PELP1: variants seen among roughly 807,000 people sequenced by gnomAD.
PELP1 encodes the protein proline-, glutamic acid- and leucine-rich protein 1.
A neutral mutation model predicts 95.5 loss-of-function variants in PELP1; 32 were observed. The observed-to-expected ratio is 0.34, with a 90% CI of 0.25 to 0.45. The LOEUF is 0.45. Ranked by LOEUF, PELP1 falls within the 20% of genes least tolerant of loss-of-function variation. PELP1 has a pLI of 1.00. For synonymous variants in PELP1, 668 were observed against 600.1 expected (o/e 1.11, Z -1.65); for missense variants, 1,358 against 1,444.8 (o/e 0.94, Z 0.97).
In PELP1 at chr17:4,675,247, C is replaced by T. The variant is rs757964201; in HGVS notation, c.1157+27G>A. 2 of 1,593,086 alleles carry T rather than the reference C, an allele frequency of 1.3e-6. No individual in the cohort carries two copies. Among genetic ancestry groups the T allele is most frequent in the East Asian group, 4.6e-5 (2 of 43,792 alleles). On this transcript the variant is annotated intron_variant, in intron 10 of 16. Coordinates refer to ENST00000572293, the MANE Select transcript of PELP1 (RefSeq NM_014389.3). The surrounding 1 kb of genome is among the most constrained non-coding windows in gnomAD (Gnocchi z 4.3). ...TCGTTTCTGGCACGCCCTATCCCTTCACCACAGCCAGCCCAATCCCACTCA... is the reference window on the plus strand; with the variant it reads ...TCGTTTCTGGCACGCCCTATCCCTTTACCACAGCCAGCCCAATCCCACTCA...
In PELP1 at chr17:4,671,818, G is replaced by C. The variant is rs557073551; in HGVS notation, c.3173C>G (p.Pro1058Arg). 3.3e-6 allele frequency: 5 copies of C among 1,513,094 alleles called. No individual in the cohort carries two copies. The East Asian group carries it at 6.9e-5, about 21-fold the overall frequency. The allele number at this position is 1,513,094 out of a possible 1,614,324, so 93.7% of individuals were successfully genotyped here. ...PPPQELVEEE[P>R]SAPPTLLEEE... ...TTCCAACAGGGTTGGGGGAGCAGAG[G>C]GCTCTTCTTCAACAAGCTCCTGGGG... The change falls in exon 16 of 17, where the codon CCC becomes CGC. Residue 1058 changes from proline (P) to arginine (R), a missense_variant. Physicochemically the swap from Pro to Arg is moderately radical, Grantham distance 103 (BLOSUM62 -2). Coordinates refer to ENST00000572293, the MANE Select transcript of PELP1 (RefSeq NM_014389.3).
At chr17:4,676,217 C>A in intron 7 of PELP1, 55 bp from the exon 8 acceptor site, 1 of 1,601,344 alleles carries the variant, frequency 6.2e-7, no homozygotes, top group South Asian at 1.1e-5. Context: ...CCTCCTCTGT[C>A]ATTTCTGGTG....
chr17:4,673,224 A>G lies in PELP1; in HGVS notation c.1845+26T>C. 6.5e-7 allele frequency: 1 copy of G among 1,549,096 alleles called. No individual in the cohort carries two copies. ...GGAAACAAGAGACTCCAGGAACCAA[A>G]GAGGGGCTTGGCCCATCACAGTTAC... is the stretch of plus-strand genomic sequence containing the variant. On this transcript the variant is annotated intron_variant, in intron 15 of 16. Transcript: ENST00000572293. The surrounding 1 kb of genome is among the most constrained non-coding windows in gnomAD (Gnocchi z 5.7).
chr17:4,701,942 C>T (rs909785306), intron 1 of PELP1, among the ~76,000 whole-genome samples: 1 of 152,130 alleles, frequency 6.6e-6, no homozygotes, highest in African/African-American at 2.4e-5. Context: ...CCCTAGTTTC[C>T]CACATCACTC....
Position 4,672,294 on chromosome 17 carries a change from T to C in PELP1, c.2697A>G (p.Glu899=), listed in dbSNP as rs200508582. Residue 899 remains glutamate, a synonymous_variant, in exon 16 of 17, where the codon GAA becomes GAG. Coordinates refer to ENST00000572293, the MANE Select transcript of PELP1 (RefSeq NM_014389.3). ...CCTCCTCTTCCTCTTCTTCCTCTTC[T>C]TCTTCTTCCTCTTCTTCCTCTTCCT... ...EEEEEEEEEE[E]EEEEEEEEED... is the part of the protein sequence containing the mutation. 4.1e-5 allele frequency: 63 copies of C among 1,551,134 alleles called. No individual in the cohort carries two copies. The Middle Eastern group carries it at 5.0e-4, about 12-fold the overall frequency.
Position 4,691,445 on chromosome 17 carries a change from G to A in PELP1, c.250-3C>T, listed in dbSNP as rs769288410. 15 of 1,611,258 alleles carry A rather than the reference G, an allele frequency of 9.3e-6. No homozygotes were observed. The highest frequency in any genetic ancestry group is 1.3e-5 in the African/African-American group (1 of 74,872). Reference sequence around the variant, plus strand: ...AATGCCCCAAGAGCTGAAAGGTTCTGGAGGAAAGAAAACAGGGAAGCGAGT... The same window carrying A: ...AATGCCCCAAGAGCTGAAAGGTTCTAGAGGAAAGAAAACAGGGAAGCGAGT... On this transcript the variant is annotated splice_region_variant and splice_polypyrimidine_tract_variant and intron_variant, in intron 1 of 16. Transcript: ENST00000572293.
intron 1 of PELP1, among the ~76,000 whole-genome samples, chr17:4,700,991 C>CT (rs1555555233): frequency 1.4e-3 from 30 of 21,592 alleles, no homozygotes; most frequent in Non-Finnish European, 2.2e-3. Context: ...CAAAGTTCCA[C>CT]TAAAAAAAAA....
Position 4,673,890 on chromosome 17 carries a change from A to C in PELP1, c.1583-216T>G. On this transcript the variant is annotated intron_variant, in intron 13 of 16. Coordinates refer to ENST00000572293, the MANE Select transcript of PELP1 (RefSeq NM_014389.3). The surrounding 1 kb of genome is among the most constrained non-coding windows in gnomAD (Gnocchi z 5.7). ...TGAGACAATGTAAGTAAAAAATTATAAATTTTATAATTTTGCATTTATATA... is the reference window on the plus strand; with the variant it reads ...TGAGACAATGTAAGTAAAAAATTATCAATTTTATAATTTTGCATTTATATA... The C allele has an allele frequency of 7.2e-6, 4 of 552,136 alleles. No homozygotes were observed. The highest frequency in any genetic ancestry group is 5.1e-5 in the South Asian group (2 of 39,002). The allele number at this position is 552,136 out of a possible 1,614,324, so 34.2% of individuals were successfully genotyped here.
chr17:4,672,818 G>A lies in PELP1; in HGVS notation c.2173C>T (p.Pro725Ser). The A allele has an allele frequency of 6.2e-7, 1 of 1,613,916 alleles. No homozygotes were observed. The highest frequency in any genetic ancestry group is 2.2e-5 in the East Asian group (1 of 44,876). ...GLVSVPPRLL[P>S]GPENHRAGSN... Reference sequence around the variant, plus strand: ...CCTGCCCGGTGGTTCTCAGGGCCAGGAAGAAGCCGGGGAGGGACAGACACT... The same window carrying A: ...CCTGCCCGGTGGTTCTCAGGGCCAGAAAGAAGCCGGGGAGGGACAGACACT... Residue 725 changes from proline (P) to serine (S), a missense_variant, in exon 16 of 17, where the codon CCT (proline) becomes TCT (serine). Transcript: ENST00000572293.
intron 6 of PELP1, 97 bp downstream of exon 6, chr17:4,676,656 G>A: frequency 1.5e-6 from 2 of 1,342,774 alleles, no homozygotes; most frequent in South Asian, 1.3e-5. Flanking sequence ...GACACAGATG[G>A]GCATATGAAG....
chr17:4,686,644 A>G (rs751770681), intron 3 of PELP1, among the ~76,000 whole-genome samples: 43 of 152,062 alleles, frequency 2.8e-4, no homozygotes, highest in Admixed American at 5.9e-4. Context: ...CAGCCTCCCA[A>G]GTAGCTGGGA....
Position 4,673,618 on chromosome 17 carries a change from C to G in PELP1, c.1638+1G>C. On this transcript the variant is annotated splice_donor_variant, in intron 14 of 16. Transcript: ENST00000572293. LOFTEE classifies it high-confidence loss of function. The surrounding 1 kb of genome is among the most constrained non-coding windows in gnomAD (Gnocchi z 5.7). The stretch of plus-strand genomic sequence containing the variant: ...CTCCACGGAGACGAGGCTCCACTAA[C>G]CCTGTGAGTCTCCTCCTTGATGAGA... The G allele has an allele frequency of 6.2e-7, 1 of 1,613,518 alleles. No homozygotes were observed. Among genetic ancestry groups the G allele is most frequent in the Non-Finnish European group, 8.5e-7 (1 of 1,179,432 alleles).
chr17:4,682,759 G>A (rs753692050), intron 4 of PELP1, 44 bp downstream of exon 4: 2 of 1,529,508 alleles, frequency 1.3e-6, no homozygotes, highest in South Asian at 1.3e-5. Flanking sequence ...GTGAAGGTGA[G>A]GACTGCGGGG....
Position 4,704,132 on chromosome 17 carries a change from TG to T in PELP1, c.-22del. On this transcript the variant is annotated 5_prime_UTR_variant, in exon 1 of 17. Coordinates refer to ENST00000572293, the MANE Select transcript of PELP1 (RefSeq NM_014389.3). ...GCCATCTTCCCCCGGGTTCCAGTGG[TG>T]GCGTGGCGCGATGACGCAAACACAC... The T allele has an allele frequency of 6.3e-7, 1 of 1,597,956 alleles. No individual in the cohort carries two copies. Among genetic ancestry groups the T allele is most frequent in the African/African-American group, 1.3e-5 (1 of 74,808 alleles).
intron 1 of PELP1, among the ~76,000 whole-genome samples, chr17:4,702,559 TCTGATATTGGG>T (rs1190764017): frequency 6.6e-6 from 1 of 152,220 alleles, no homozygotes; most frequent in Non-Finnish European, 1.5e-5. Context: ...AGCTCCAGCC[TCTGATATTGGG>T]CTGAGATAGC....
rs764224577 is a variant in PELP1, at chr17:4,691,414, C to T, written c.278G>A (p.Ser93Asn). 7 of 1,613,634 alleles carry T rather than the reference C, an allele frequency of 4.3e-6. No individual in the cohort carries two copies. Among genetic ancestry groups the T allele is most frequent in the Non-Finnish European group, 5.9e-6 (7 of 1,179,710 alleles). ...QNLSALGALV[S>N]LSNARLSSIK... is the part of the protein sequence containing the mutation. ...GGAACTGAGACGTGCATTACTGAGA[C>T]TCACCAATGCCCCAAGAGCTGAAAG... The change falls in exon 2 of 17, where the codon AGT becomes AAT. Residue 93 changes from serine (S) to asparagine (N), a missense_variant. This residue lies in a region of PELP1 where 169 missense variants were observed against 134.9 expected (regional missense o/e 1.25). Coordinates refer to ENST00000572293, the MANE Select transcript of PELP1 (RefSeq NM_014389.3).
chr17:4,675,964 C>A lies in PELP1; in HGVS notation c.980+72G>T. 6.3e-7 allele frequency: 1 copy of A among 1,595,160 alleles called. No homozygotes were observed. The highest frequency in any genetic ancestry group is 1.3e-5 in the African/African-American group (1 of 74,700). ...CACACCCACCTTCATCTCCTTTCTC[C>A]TGATGAAGGCGACACTCCCTCATCA... is the stretch of plus-strand genomic sequence containing the variant. On this transcript the variant is annotated intron_variant, in intron 8 of 16. Coordinates refer to ENST00000572293, the MANE Select transcript of PELP1 (RefSeq NM_014389.3). This position sits in a 1 kb window ranked among gnomAD's most constrained non-coding sequence, Gnocchi z 4.3.
In PELP1 at chr17:4,675,817, T is replaced by A. The variant is rs746368553; in HGVS notation, c.1048A>T (p.Ser350Cys). 5 of 1,583,872 alleles carry A rather than the reference T, an allele frequency of 3.2e-6. No homozygotes were observed. In the African/African-American group the frequency reaches 5.4e-5, roughly 17 times the overall value. Residue 350 changes from serine (S) to cysteine (C), a missense_variant, in exon 9 of 17, where the codon AGC becomes TGC. Ser to Cys is a moderately radical substitution (Grantham distance 112). Coordinates refer to ENST00000572293, the MANE Select transcript of PELP1 (RefSeq NM_014389.3). The surrounding 1 kb of genome is among the most constrained non-coding windows in gnomAD (Gnocchi z 4.3). ...EILDFICRTL[S>C]VSSKNISLHG... ...CTTACAATATTCTTGCTACTGACGC[T>A]GAGGGTCCGGCAGATGAAATCCAGG... is the stretch of plus-strand genomic sequence containing the variant.
At chr17:4,674,109 G>A (rs978187582) in intron 13 of PELP1, among the ~76,000 whole-genome samples, 8 of 152,210 alleles carry the variant, frequency 5.3e-5, no homozygotes, top group Non-Finnish European at 8.8e-5. Context: ...TCACAGGGAG[G>A]AGCCTTCCCC....
Sources: gnomAD v4.1 joint callset for allele counts (sites outside exome capture counted in the v4.1 genomes callset) on GRCh38, gnomAD v4.1.1 for gene constraint, gnomAD v4.1.1 regional missense constraint, Gnocchi (gnomAD v3.1) non-coding constraint, MANE v1.5 for transcripts, NCBI Gene and HGNC (gene_info 2026-07-23, HGNC 2026-07-21) for gene names.